Variants in PCDH11Y observed in about 807,000 individuals in gnomAD.
PCDH11Y encodes protocadherin 11 Y-linked.
For synonymous variants in PCDH11Y, 9 were observed against 83.6 expected, an observed-to-expected ratio of 0.11 and a Z score of 4.87; for missense variants, 12 against 224.8, an observed-to-expected ratio of 0.05 and a Z score of 6.05.
At chrY:5,148,624 T>C (rs2052860554) in intron 2 of PCDH11Y, among the ~76,000 whole-genome samples, 1 of 32,741 alleles carries the variant, frequency 3.1e-5, no homozygotes, top group South Asian at 6.8e-4. Context: ...AAACCCACAG[T>C]AAATTAAAAA....
chrY:5,383,623 T>C, intron 2 of PCDH11Y, among the ~76,000 whole-genome samples: 1 of 33,471 alleles, frequency 3.0e-5, no homozygotes, highest in Non-Finnish European at 7.4e-5. Context: ...TTTTTCAGAA[T>C]ATATATATAT....
chrY:5,107,445 C>A, downstream of PCDH11Y, among the ~76,000 whole-genome samples: 1 of 32,370 alleles, frequency 3.1e-5, no homozygotes, highest in Admixed American at 2.9e-4. Context: ...AGTAACTATT[C>A]TTGATCCATC....
intron 4 of PCDH11Y, among the ~76,000 whole-genome samples, chrY:5,645,181 A>G (rs2053526305): frequency 3.0e-5 from 1 of 33,039 alleles, no homozygotes; most frequent in South Asian, 6.8e-4. Flanking sequence ...AGAATTCAGT[A>G]CTTGGGCTCC....
At chrY:5,663,337 TA>T (rs2053542400) in intron 4 of PCDH11Y, among the ~76,000 whole-genome samples, 1 of 31,949 alleles carries the variant, frequency 3.1e-5, no homozygotes, top group Non-Finnish European at 7.6e-5. Flanking sequence ...ATAATTGGAA[TA>T]AAACCCTGAG....
intron 3 of PCDH11Y, among the ~76,000 whole-genome samples, chrY:5,048,669 T>TC (rs2052646554): frequency 3.0e-5 from 1 of 33,617 alleles, no homozygotes; most frequent in Non-Finnish European, 7.4e-5. Flanking sequence ...GAGCTTTTTT[T>TC]CATATGCTTG....
At chrY:5,291,886 G>A in intron 2 of PCDH11Y, among the ~76,000 whole-genome samples, 1 of 32,075 alleles carries the variant, frequency 3.1e-5, no homozygotes, top group African/African-American at 1.2e-4. Context: ...ATTAGACTTA[G>A]GTCTGTCATT....
intron 2 of PCDH11Y, among the ~76,000 whole-genome samples, chrY:5,245,369 C>A (rs2052994528): frequency 3.1e-5 from 1 of 32,469 alleles, no homozygotes; most frequent in Admixed American, 2.8e-4. Flanking sequence ...CAGGTCAGTG[C>A]CCCTTAGGGT....
chrY:5,108,640 G>T (rs1602868988), downstream of PCDH11Y, among the ~76,000 whole-genome samples: 1 of 29,159 alleles, frequency 3.4e-5, no homozygotes, highest in Non-Finnish European at 8.1e-5. Flanking sequence ...CCAGCTACTC[G>T]GGAGGCTGAG....
intron 2 of PCDH11Y, among the ~76,000 whole-genome samples, chrY:5,472,645 G>GT: frequency 3.1e-5 from 1 of 32,583 alleles, no homozygotes; most frequent in East Asian, 8.0e-4. Flanking sequence ...AATTAAACCA[G>GT]TTTTTTTCAC....
chrY:5,121,645 C>A, intron 2 of PCDH11Y, among the ~76,000 whole-genome samples: 1 of 32,707 alleles, frequency 3.1e-5, no homozygotes, highest in East Asian at 8.1e-4. Flanking sequence ...AAGTCCACCC[C>A]TTTTCAACTT....
At chrY:5,158,878 CTTA>C (rs2052872133) in intron 2 of PCDH11Y, among the ~76,000 whole-genome samples, 2 of 31,853 alleles carry the variant, frequency 6.3e-5, no homozygotes, top group African/African-American at 2.5e-4. Flanking sequence ...TTCCCAGCTT[CTTA>C]TTGTCATTTA....
intron 2 of PCDH11Y, among the ~76,000 whole-genome samples, chrY:5,229,143 G>A (rs2052964410): frequency 6.5e-5 from 2 of 30,670 alleles, no homozygotes; most frequent in East Asian, 1.7e-3. Flanking sequence ...ATTCTTTTGT[G>A]AAATTGACCC....
chrY:5,318,713 ATGTGTGTGTG>A (rs760151133), intron 2 of PCDH11Y, among the ~76,000 whole-genome samples: 1 of 24,371 alleles, frequency 4.1e-5, no homozygotes. Flanking sequence ...AAAAAGTAAT[ATGTGTGTGTG>A]TGTGTGTGTG....
In PCDH11Y at chrY:5,280,380, A is replaced by G. The variant is rs1448980625; in HGVS notation, c.3129+179673A>G. 4.9e-4 allele frequency among the ~76,000 whole-genome samples: 16 copies of G among 32,559 alleles called. No individual in the cohort carries two copies. The East Asian group carries it at 0.011, about 22-fold the overall frequency. 87.4% of individuals were successfully genotyped at this position (32,559 alleles called of 37,273 possible). On this transcript the variant is annotated intron_variant, in intron 2 of 4. Coordinates refer to the PCDH11Y transcript ENST00000400457. ...CCAATTATAAGCCAGACCATGCAGT[A>G]TTTGGTTTTCTGTTCGTTTGTTAGT... is the stretch of plus-strand genomic sequence containing the variant.
chrY:5,234,236 C>CT (rs2052971971), intron 2 of PCDH11Y, among the ~76,000 whole-genome samples: 26 of 13,000 alleles, frequency 2.0e-3, no homozygotes, highest in South Asian at 7.0e-3. Context: ...GTGACTGTTG[C>CT]TTTTTTTTTT....
intron 1 of PCDH11Y, among the ~76,000 whole-genome samples, chrY:5,012,364 A>C: frequency 3.1e-5 from 1 of 32,698 alleles, no homozygotes; most frequent in African/African-American, 1.2e-4. Context: ...CAGAAGGCTA[A>C]GAGGAAGGAG....
intron 2 of PCDH11Y, among the ~76,000 whole-genome samples, chrY:5,215,712 G>A: frequency 3.5e-5 from 1 of 28,567 alleles, no homozygotes; most frequent in East Asian, 9.4e-4. Context: ...GGGGGCTGGG[G>A]GCTAAGGATC....
At chrY:5,072,215 A>G (rs2124630865) in intron 1 of PCDH11Y, among the ~76,000 whole-genome samples, 1 of 31,462 alleles carries the variant, frequency 3.2e-5, no homozygotes, top group African/African-American at 1.2e-4. Context: ...GTCCTTACCA[A>G]TTGGTAAGCA....
chrY:5,026,376 T>C, intron 1 of PCDH11Y, among the ~76,000 whole-genome samples: 2 of 25,385 alleles, frequency 7.9e-5, no homozygotes, highest in Admixed American at 7.9e-4. Context: ...ATATAACCTA[T>C]AGTAAAATGG....
Sources: allele counts gnomAD v4.1 joint callset (sites outside exome capture counted in the v4.1 genomes callset), GRCh38; gene constraint gnomAD v4.1.1; transcripts MANE v1.5; gene names NCBI Gene and HGNC (gene_info 2026-07-23, HGNC 2026-07-21).